NEDD4L: variants seen among roughly 807,000 people sequenced by gnomAD.
NEDD4L encodes the protein NEDD4 like E3 ubiquitin protein ligase.
In NEDD4L, 54 loss-of-function variants were observed where a neutral mutation model predicts 148.9. That is an observed-to-expected ratio of 0.36 (90% CI 0.29 to 0.45). The LOEUF is 0.45. Among genes scored for constraint, NEDD4L ranks in the 20% least tolerant of loss-of-function variants. NEDD4L has a pLI of 1.00. For synonymous variants in NEDD4L, 433 were observed against 440.7 expected, an observed-to-expected ratio of 0.98 and a Z score of 0.22; for missense variants, 856 against 1,233.8, an observed-to-expected ratio of 0.69 and a Z score of 4.59.
rs1232902579 is a variant in NEDD4L at position 58,399,410 on chromosome 18, T to C, written c.*3141T>C. On this transcript the variant is annotated 3_prime_UTR_variant, in exon 31 of 31. Coordinates refer to ENST00000400345, the MANE Select transcript of NEDD4L (RefSeq NM_001144967.3). ...ACCCTTCAGAAGGTGACATCAGATA[T>C]TCCCTAAATTCAGACAATGAGGGAT... The C allele has an allele frequency of 6.6e-6, 1 of 152,216 alleles. No individual in the cohort carries two copies. The highest frequency in any genetic ancestry group is 1.5e-5 in the Non-Finnish European group (1 of 68,038). 9.4% of individuals were successfully genotyped at this position (152,216 alleles called of 1,614,324 possible).
chr18:58,082,788 CAAA>C (rs376651872), intron 1 of NEDD4L, among the ~76,000 whole-genome samples: 9 of 68,346 alleles, frequency 1.3e-4, no homozygotes, highest in Admixed American at 1.7e-4. Context: ...GACTCCATCT[CAAA>C]AAAAAAAAAA....
chr18:58,382,074 T>C (rs1189067096), intron 24 of NEDD4L, among the ~76,000 whole-genome samples: 1 of 152,176 alleles, frequency 6.6e-6, no homozygotes, highest in African/African-American at 2.4e-5. Flanking sequence ...AAAAATGAGA[T>C]TCCTTCCTGA....
chr18:58,201,911 T>G (rs2041461002), intron 2 of NEDD4L, among the ~76,000 whole-genome samples: 2 of 152,262 alleles, frequency 1.3e-5, no homozygotes. Context: ...TGCTATACGC[T>G]GACGGAAGTT....
At chr18:58,087,472 T>C (rs1316024522) in intron 1 of NEDD4L, among the ~76,000 whole-genome samples, 1 of 152,210 alleles carries the variant, frequency 6.6e-6, no homozygotes, top group Non-Finnish European at 1.5e-5. Flanking sequence ...TTAGGAATTT[T>C]TCTTTTTTTC....
intron 1 of NEDD4L, among the ~76,000 whole-genome samples, chr18:58,133,794 T>C (rs1260904622): frequency 6.6e-6 from 1 of 152,148 alleles, no homozygotes; most frequent in Admixed American, 6.5e-5. Context: ...AATGAATGTA[T>C]GGGGCTTGGC....
chr18:58,300,806 C>T (rs1353511233), intron 5 of NEDD4L, among the ~76,000 whole-genome samples: 1 of 152,196 alleles, frequency 6.6e-6, no homozygotes, highest in African/African-American at 2.4e-5. Context: ...CTGTGTGCAG[C>T]TCTGTCTGCT....
chr18:58,259,634 A>T (rs1029304406), intron 5 of NEDD4L, among the ~76,000 whole-genome samples: 3 of 152,222 alleles, frequency 2.0e-5, no homozygotes, highest in African/African-American at 7.2e-5. Flanking sequence ...TCTACTGTGT[A>T]TATAACATTA....
intron 1 of NEDD4L, among the ~76,000 whole-genome samples, chr18:58,131,465 G>A (rs891607475): frequency 6.6e-6 from 1 of 150,572 alleles, no homozygotes; most frequent in Non-Finnish European, 1.5e-5. Context: ...GTGGTGTTGG[G>A]CTCTGTTGGG....
At chr18:58,210,108 G>A (rs922975325) in intron 2 of NEDD4L, among the ~76,000 whole-genome samples, 5 of 152,160 alleles carry the variant, frequency 3.3e-5, no homozygotes, top group Non-Finnish European at 1.5e-5. Flanking sequence ...AGAGGTTGCG[G>A]TGAGCCAAGA....
At chr18:58,084,463 T>C (rs1480288913) in intron 1 of NEDD4L, among the ~76,000 whole-genome samples, 1 of 152,068 alleles carries the variant, frequency 6.6e-6, no homozygotes, top group African/African-American at 2.4e-5. Flanking sequence ...GAAGGAAAGA[T>C]GGGGGTGGTG....
At chr18:58,316,720 G>T (rs1031725434) in intron 6 of NEDD4L, among the ~76,000 whole-genome samples, 1 of 152,204 alleles carries the variant, frequency 6.6e-6, no homozygotes, top group East Asian at 1.9e-4. Flanking sequence ...GTGTAGGTAG[G>T]ACCTGGAGGC....
At chr18:58,071,935 C>CT (rs1396299854) in intron 1 of NEDD4L, among the ~76,000 whole-genome samples, 1 of 152,220 alleles carries the variant, frequency 6.6e-6, no homozygotes, top group Non-Finnish European at 1.5e-5. Flanking sequence ...TTATCCTGCC[C>CT]TTGACATGTG....
intron 27 of NEDD4L, 44 bp downstream of exon 27, chr18:58,387,542 A>G (rs1414285796): frequency 1.4e-6 from 2 of 1,462,642 alleles, no homozygotes; most frequent in Non-Finnish European, 9.2e-7. Flanking sequence ...GATTTTTTAA[A>G]GTATCTCTCA....
chr18:58,127,996 C>T (rs2031439475), intron 1 of NEDD4L, among the ~76,000 whole-genome samples: 1 of 152,100 alleles, frequency 6.6e-6, no homozygotes, highest in African/African-American at 2.4e-5. Context: ...CCAGTGCCAC[C>T]ATGCCCGGCT....
chr18:58,109,861 C>G (rs1248826378), intron 1 of NEDD4L, among the ~76,000 whole-genome samples: 1 of 152,180 alleles, frequency 6.6e-6, no homozygotes. Context: ...AGCCACCAAA[C>G]CCGGCTGACT....
chr18:58,323,843 C>T (rs1412419947), intron 8 of NEDD4L, among the ~76,000 whole-genome samples: 2 of 152,118 alleles, frequency 1.3e-5, no homozygotes, highest in Admixed American at 6.6e-5. Context: ...CTGACAGAGC[C>T]GCCTGTATTT....
At chr18:58,180,999 G>A (rs138352830) in intron 2 of NEDD4L, among the ~76,000 whole-genome samples, 204 of 152,336 alleles carry the variant, frequency 1.3e-3, no homozygotes, top group African/African-American at 4.2e-3. Context: ...AACACAAATC[G>A]AATAGTCGAT....
intron 19 of NEDD4L, among the ~76,000 whole-genome samples, chr18:58,363,546 T>A (rs1375566067): frequency 4.6e-5 from 7 of 152,240 alleles, no homozygotes; most frequent in Admixed American, 2.6e-4. Context: ...ATAAAGATTA[T>A]TTAAATGACT....
chr18:58,083,792 C>G (rs573178931), intron 1 of NEDD4L, among the ~76,000 whole-genome samples: 2 of 152,346 alleles, frequency 1.3e-5, no homozygotes, highest in African/African-American at 4.8e-5. Flanking sequence ...GAATGCTATG[C>G]TATGCTGCCA....
Sources: gnomAD v4.1 joint callset for allele counts (sites outside exome capture counted in the v4.1 genomes callset) on GRCh38, gnomAD v4.1.1 for gene constraint, MANE v1.5 for transcripts, NCBI Gene and HGNC (gene_info 2026-07-23, HGNC 2026-07-21) for gene names.